RBFOX1: variants seen among roughly 807,000 people sequenced by gnomAD.
RBFOX1 encodes RNA binding protein fox-1 homolog 1.
In RBFOX1, 8 loss-of-function variants were observed where a neutral mutation model predicts 57.7. The observed-to-expected ratio is 0.14, with a 90% confidence interval of 0.08 to 0.25. The LOEUF (loss-of-function observed/expected upper bound fraction) is 0.25. RBFOX1 is among the 10% of genes least tolerant of loss of function. The pLI is 1.00. For missense variants in RBFOX1, 611 were observed against 548.5 expected (o/e 1.11, Z -1.14); for synonymous variants, 326 against 222.4 (o/e 1.47, Z -4.15).
At chr16:6,534,504 A>T (rs1283103519) in intron 2 of RBFOX1, among the ~76,000 whole-genome samples, 2 of 152,154 alleles carry the variant, frequency 1.3e-5, no homozygotes, top group Non-Finnish European at 2.9e-5. Context: ...AGATGTGTGA[A>T]TCATGCTTTT....
At chr16:7,370,755 T>G (rs1176370981) in intron 4 of RBFOX1, among the ~76,000 whole-genome samples, 1 of 152,208 alleles carries the variant, frequency 6.6e-6, no homozygotes, top group Non-Finnish European at 1.5e-5. Flanking sequence ...TTTTGGAATG[T>G]GAGTGCTTTC....
intron 3 of RBFOX1, among the ~76,000 whole-genome samples, chr16:6,987,216 A>G (rs540282934): frequency 6.6e-6 from 1 of 152,156 alleles, no homozygotes; most frequent in African/African-American, 2.4e-5. Flanking sequence ...TAATAACAAG[A>G]ATGAAAACTT....
At chr16:5,873,987 A>G (rs748200220) in intron 4 of RBFOX1, among the ~76,000 whole-genome samples, 49 of 152,186 alleles carry the variant, frequency 3.2e-4, no homozygotes, top group Non-Finnish European at 6.0e-4. Flanking sequence ...AGTGAAGGAG[A>G]ATGATGTAAT....
chr16:5,674,386 G>C (rs912185113), intron 3 of RBFOX1, among the ~76,000 whole-genome samples: 10 of 152,170 alleles, frequency 6.6e-5, no homozygotes, highest in Non-Finnish European at 1.5e-5. Flanking sequence ...GTTTGCAAGT[G>C]GGGGAGCTGA....
At chr16:7,529,783 C>T (rs921233405) in intron 5 of RBFOX1, among the ~76,000 whole-genome samples, 3 of 151,936 alleles carry the variant, frequency 2.0e-5, no homozygotes, top group African/African-American at 7.3e-5. Flanking sequence ...CTGAGACGGG[C>T]AGATCACTTG....
chr16:7,377,485 T>C (rs1297812380), intron 4 of RBFOX1, among the ~76,000 whole-genome samples: 6 of 152,162 alleles, frequency 3.9e-5, no homozygotes, highest in Non-Finnish European at 8.8e-5. Flanking sequence ...AACACATCAA[T>C]CATTTGGAAA....
At chr16:7,174,716 A>G (rs1601861621) in intron 4 of RBFOX1, among the ~76,000 whole-genome samples, 1 of 152,282 alleles carries the variant, frequency 6.6e-6, no homozygotes, top group Non-Finnish European at 1.5e-5. Flanking sequence ...AGAGGCGGAG[A>G]TTGCAGTGAG....
chr16:5,953,954 G>T lies in RBFOX1; in HGVS notation c.351+86619G>T, dbSNP rs1055917273. 5.9e-5 allele frequency among the ~76,000 whole-genome samples: 9 copies of T among 152,162 alleles called. No individual in the cohort carries two copies. In the South Asian group the frequency reaches 1.5e-3, roughly 25 times the overall value. ...ACCTGTGTTTCTGTTGCCAACCGTG[G>T]TACCCATACCCCCAGGGGACATTTG... is the stretch of plus-strand genomic sequence containing the variant. On this transcript the variant is annotated intron_variant, in intron 4 of 19. Transcript: ENST00000641259.
At chr16:6,137,717 A>G (rs1302443842) in intron 1 of RBFOX1, among the ~76,000 whole-genome samples, 1 of 148,350 alleles carries the variant, frequency 6.7e-6, no homozygotes, top group East Asian at 2.0e-4. Context: ...GGGCTCAAGT[A>G]ATCCTGCCAC....
At chr16:6,482,762 G>A (rs1301861040) in intron 2 of RBFOX1, among the ~76,000 whole-genome samples, 2 of 152,268 alleles carry the variant, frequency 1.3e-5, no homozygotes, top group African/African-American at 2.4e-5. Flanking sequence ...GATTGGGGGC[G>A]CGGTGCTGGG....
chr16:7,377,980 G>C (rs533694351), intron 4 of RBFOX1, among the ~76,000 whole-genome samples: 2 of 152,304 alleles, frequency 1.3e-5, no homozygotes, highest in South Asian at 2.1e-4. Context: ...TGGAGAGGAA[G>C]AGCACGGGGA....
chr16:5,258,370 T>C (rs1470385701), intron 1 of RBFOX1, among the ~76,000 whole-genome samples: 1 of 151,936 alleles, frequency 6.6e-6, no homozygotes, highest in Non-Finnish European at 1.5e-5. Context: ...CTTCATGATA[T>C]TCACCCCTAT....
chr16:5,927,450 G>C (rs1264911760), intron 4 of RBFOX1, among the ~76,000 whole-genome samples: 5 of 152,308 alleles, frequency 3.3e-5, no homozygotes, highest in Middle Eastern at 3.4e-3. Context: ...CAAAAGGTAA[G>C]TGTTGGTAAG....
At chr16:5,980,046 C>T (rs1032991370) in intron 4 of RBFOX1, among the ~76,000 whole-genome samples, 3 of 152,216 alleles carry the variant, frequency 2.0e-5, no homozygotes, top group African/African-American at 2.4e-5. Context: ...CCTGAAAAGT[C>T]TTCCAATCAG....
Position 5,834,730 on chromosome 16 carries a change from GATAC to G in RBFOX1, c.319-32538_319-32535del, listed in dbSNP as rs763479891. On this transcript the variant is annotated intron_variant, in intron 3 of 19. Transcript: ENST00000641259. ...AGATAGATAGATACATAGATACATAGATACATACATACATACATACATACATACA... is the reference window on the plus strand; with the variant it reads ...AGATAGATAGATACATAGATACATAGATACATACATACATACATACATACA... Among the ~76,000 whole-genome samples, 406 of 146,372 alleles carry G rather than the reference GATAC, an allele frequency of 2.8e-3. 1 individual carries two copies. The highest frequency in any genetic ancestry group is 9.1e-3 in the African/African-American group (352 of 38,700).
At chr16:7,528,348 T>C (rs2079171224) in intron 5 of RBFOX1, among the ~76,000 whole-genome samples, 1 of 152,248 alleles carries the variant, frequency 6.6e-6, no homozygotes, top group Non-Finnish European at 1.5e-5. Flanking sequence ...TATTTTTGGT[T>C]AGGTCCTTCA....
intron 3 of RBFOX1, among the ~76,000 whole-genome samples, chr16:6,950,086 A>G (rs1436670595): frequency 7.1e-6 from 1 of 140,836 alleles, no homozygotes; most frequent in Non-Finnish European, 1.5e-5. Context: ...AGCTAGGATT[A>G]TAGGCATGCG....
At chr16:6,694,312 A>T (rs2154135813) in intron 3 of RBFOX1, among the ~76,000 whole-genome samples, 1 of 152,330 alleles carries the variant, frequency 6.6e-6, no homozygotes, top group East Asian at 1.9e-4. Context: ...CTTGACAAAC[A>T]ATTTAAGAGA....
intron 13 of RBFOX1, among the ~76,000 whole-genome samples, chr16:7,676,350 A>T (rs930718510): frequency 3.3e-5 from 5 of 152,246 alleles, no homozygotes; most frequent in Non-Finnish European, 5.9e-5. Context: ...CATTCACTTT[A>T]TAAGAAAATA....
Sources: gnomAD v4.1 joint callset for allele counts (sites outside exome capture counted in the v4.1 genomes callset) on GRCh38, gnomAD v4.1.1 for gene constraint, MANE v1.5 for transcripts, NCBI Gene and HGNC (gene_info 2026-07-23, HGNC 2026-07-21) for gene names.